The following CBLB variants were observed in gnomAD, a reference collection of about 807,000 sequenced individuals.
The protein encoded by CBLB is Cbl proto-oncogene B, also known as E3 ubiquitin-protein ligase CBL-B.
Under a neutral mutation model 104.9 loss-of-function variants are expected in CBLB, and 31 were observed. The ratio of observed to expected loss-of-function variants is 0.30; its 90% CI spans 0.22 to 0.40. The LOEUF is 0.40. Ranked by LOEUF, CBLB falls within the 10% of genes least tolerant of loss-of-function variation. The pLI, the probability that CBLB is intolerant of heterozygous loss-of-function variation, is 1.00. For synonymous variants in CBLB, 440 were observed against 422.6 expected (o/e 1.04, Z -0.51); for missense variants, 1,062 against 1,214.6 (o/e 0.87, Z 1.87).
rs772791305 is a variant in CBLB, at chr3:105,670,302, T to C, written c.2620A>G (p.Arg874Gly). 6.2e-7 allele frequency: 1 copy of C among 1,610,222 alleles called. No homozygotes were observed. Among genetic ancestry groups the C allele is most frequent in the Admixed American group, 1.7e-5 (1 of 59,964 alleles). ...GTTTTGACATTTTCACCTGGTAACC[T>C]TCTAGCAGGAGGCAAAGGAACTTGG... ...SGQVPLPPAR[R>G]LPGENVKTNR... is the part of the protein sequence containing the mutation. The change falls in exon 18 of 19, where the codon AGG becomes GGG. Residue 874 changes from arginine to glycine, a missense_variant. By Grantham distance (125) the Arg-to-Gly change is moderately radical. This residue lies in a region of CBLB where 605 missense variants were observed against 582.6 expected (regional missense o/e 1.04). Coordinates refer to ENST00000394030, the MANE Select transcript of CBLB (RefSeq NM_170662.5).
At chr3:105,728,402 A>C (rs2073935858) in intron 9 of CBLB, among the ~76,000 whole-genome samples, 1 of 152,190 alleles carries the variant, frequency 6.6e-6, no homozygotes, top group Non-Finnish European at 1.5e-5. Flanking sequence ...AATACAACTT[A>C]CAAGGGATGT....
chr3:105,756,528 C>G (rs1364802534), intron 4 of CBLB, among the ~76,000 whole-genome samples: 1 of 152,098 alleles, frequency 6.6e-6, no homozygotes, highest in African/African-American at 2.4e-5. Context: ...AGAGTCAGTT[C>G]TTCCCAAATT....
intron 2 of CBLB, among the ~76,000 whole-genome samples, chr3:105,866,765 T>G (rs1467973479): frequency 1.3e-5 from 2 of 152,212 alleles, no homozygotes; most frequent in African/African-American, 4.8e-5. Context: ...CACAGAGGTT[T>G]CTGATACTCT....
chr3:105,659,149 C>A lies in CBLB; in HGVS notation c.2770G>T (p.Gly924Trp). The A allele has an allele frequency of 6.2e-7, 1 of 1,613,992 alleles. No homozygotes were observed. The change falls in exon 19 of 19, where the codon GGG (glycine) becomes TGG (tryptophan). Residue 924 changes from glycine (G) to tryptophan (W), a missense_variant. Physicochemically the swap from Gly to Trp is radical, Grantham distance 184 (BLOSUM62 -2). Coordinates refer to ENST00000394030, the MANE Select transcript of CBLB (RefSeq NM_170662.5). ...ACATTTTCCAATGCCGCCTCAGGCC[C>A]ATGGGGTTTTCTGTGGTGAATTTCT... ...APEIHHRKPH[G>W]PEAALENVDA... is the part of the protein sequence containing the mutation.
At chr3:105,681,859 T>C (rs1262166573) in intron 14 of CBLB, 41 bp from the exon 15 acceptor site, 1 of 1,164,720 alleles carries the variant, frequency 8.6e-7, no homozygotes, top group Non-Finnish European at 1.3e-6. Flanking sequence ...AGGAGAATAC[T>C]TTCCAATTAA....
chr3:105,738,276 G>C (rs371495987), intron 7 of CBLB, among the ~76,000 whole-genome samples: 1 of 152,060 alleles, frequency 6.6e-6, no homozygotes, highest in East Asian at 1.9e-4. Context: ...AACATGTTAA[G>C]TGTTAGAATT....
intron 4 of CBLB, among the ~76,000 whole-genome samples, chr3:105,754,157 G>A (rs969702516): frequency 1.3e-5 from 2 of 151,964 alleles, no homozygotes; most frequent in East Asian, 3.9e-4. Flanking sequence ...GAGGTAGGGG[G>A]AAGGGGATTT....
At chr3:105,767,760 C>T (rs2078388955) in intron 4 of CBLB, among the ~76,000 whole-genome samples, 2 of 151,888 alleles carry the variant, frequency 1.3e-5, no homozygotes, top group South Asian at 2.1e-4. Context: ...TATTTTAAGC[C>T]GTCATAACAA....
chr3:105,838,559 G>C (rs2088986887), intron 3 of CBLB, among the ~76,000 whole-genome samples: 1 of 151,718 alleles, frequency 6.6e-6, no homozygotes, highest in Non-Finnish European at 1.5e-5. Flanking sequence ...GGCAAGCAAA[G>C]GTAAATTCCA....
chr3:105,682,050 T>C, intron 14 of CBLB: 2 of 495,534 alleles, frequency 4.0e-6, no homozygotes, highest in Admixed American at 3.4e-5. Flanking sequence ...AACCAAGAAT[T>C]ACAAGGGCCA....
intron 12 of CBLB, among the ~76,000 whole-genome samples, chr3:105,693,961 T>C (rs909021876): frequency 2.6e-5 from 4 of 151,974 alleles, no homozygotes; most frequent in Non-Finnish European, 5.9e-5. Context: ...GCAGCACTGA[T>C]GTTATTCTTT....
intron 9 of CBLB, among the ~76,000 whole-genome samples, chr3:105,727,676 G>A (rs2073834762): frequency 6.6e-6 from 1 of 152,118 alleles, no homozygotes; most frequent in African/African-American, 2.4e-5. Flanking sequence ...ACGGTTTTAT[G>A]TCTTACATTT....
chr3:105,737,483 C>T (rs1304743781), intron 7 of CBLB, among the ~76,000 whole-genome samples: 1 of 151,928 alleles, frequency 6.6e-6, no homozygotes, highest in Non-Finnish European at 1.5e-5. Context: ...ATAGCCTAAC[C>T]CACTAAGCAA....
At chr3:105,668,407 T>G (rs1212254021) in intron 18 of CBLB, among the ~76,000 whole-genome samples, 1 of 152,196 alleles carries the variant, frequency 6.6e-6, no homozygotes, top group Non-Finnish European at 1.5e-5. Context: ...GGCTACAAGT[T>G]TTCCCCTAAC....
intron 8 of CBLB, among the ~76,000 whole-genome samples, chr3:105,734,875 GT>G (rs1404722021): frequency 1.3e-5 from 2 of 152,116 alleles, no homozygotes; most frequent in African/African-American, 2.4e-5. Flanking sequence ...GATTGATTGG[GT>G]TTTTAGCTTA....
At chr3:105,832,361 T>C (rs1276448677) in intron 3 of CBLB, among the ~76,000 whole-genome samples, 1 of 152,198 alleles carries the variant, frequency 6.6e-6, no homozygotes, top group Non-Finnish European at 1.5e-5. Flanking sequence ...CAGCAGTTAA[T>C]GGACAACAAA....
intron 3 of CBLB, among the ~76,000 whole-genome samples, chr3:105,829,058 A>G (rs116135938): frequency 0.034 from 5,106 of 152,264 alleles, 165 homozygotes; most frequent in Admixed American, 0.086. Context: ...ATACAAAAAA[A>G]AAAAAATTCA....
intron 8 of CBLB, among the ~76,000 whole-genome samples, chr3:105,734,466 AG>A (rs1481797234): frequency 2.0e-5 from 3 of 152,224 alleles, no homozygotes; most frequent in Non-Finnish European, 4.4e-5. Context: ...GTTTTAAAAT[AG>A]GAATATAAAA....
chr3:105,823,785 G>A (rs952025116), intron 3 of CBLB, among the ~76,000 whole-genome samples: 2 of 151,976 alleles, frequency 1.3e-5, no homozygotes, highest in Non-Finnish European at 1.5e-5. Flanking sequence ...GCTCTTACTC[G>A]CCAGGGTCCA....
Sources: gnomAD v4.1 joint callset for allele counts (sites outside exome capture counted in the v4.1 genomes callset) on GRCh38, gnomAD v4.1.1 for gene constraint, gnomAD v4.1.1 regional missense constraint, MANE v1.5 for transcripts, NCBI Gene and HGNC (gene_info 2026-07-23, HGNC 2026-07-21) for gene names.